The following CCL14 variants were observed in gnomAD, a reference collection of about 807,000 sequenced individuals.
CCL14 encodes the protein C-C motif chemokine 14.
Under a neutral mutation model 8.2 loss-of-function variants are expected in CCL14, and 8 were observed. That is an observed-to-expected ratio of 0.98 (90% CI 0.57 to 1.76). CCL14 has a LOEUF of 1.76. CCL14 is among the 40% of genes most tolerant of loss of function. The probability of loss-of-function intolerance (pLI) is 0.00; values close to 1 mark genes in which losing one functional copy is unlikely to be tolerated. For synonymous variants in CCL14, 50 were observed against 43.2 expected (o/e 1.16, Z -0.62); for missense variants, 127 against 118.3 (o/e 1.07, Z -0.34).
In CCL14 at chr17:35,983,814, A is replaced by C; in HGVS notation, c.269T>G (p.Met90Arg). 1 of 1,613,160 alleles carries C rather than the reference A, an allele frequency of 6.2e-7. No homozygotes were observed. The change falls in exon 3 of 3, where the codon ATG (methionine) becomes AGG (arginine). Residue 90 changes from methionine (M) to arginine (R), a missense_variant. Physicochemically the swap from Met to Arg is moderately conservative, Grantham distance 91. Coordinates refer to ENST00000618404, the MANE Select transcript of CCL14 (RefSeq NM_032963.4). The stretch of plus-strand genomic sequence containing the variant: ...CTTCTGGGTCACTCAGTTCTCCTTC[A>C]TGTCCTTGATATAGTCCTGGACCCA... ...DKWVQDYIKD[M>R]KEN
chr17:35,985,968 G>A (rs763742507), intron 1 of CCL14: 4 of 594,718 alleles, frequency 6.7e-6, no homozygotes, highest in Non-Finnish European at 1.2e-5. Context: ...CACAGGTGAC[G>A]CTGGAAGCAG....
At chr17:35,986,540 G>C (rs762669764) in intron 1 of CCL14, 31 bp downstream of exon 1, 1 of 1,570,758 alleles carries the variant, frequency 6.4e-7, no homozygotes, top group Non-Finnish European at 8.8e-7. Flanking sequence ...GCAGGCTCTA[G>C]GTTGGAAGGA....
At chr17:35,985,658 G>A (rs1264750897) in intron 1 of CCL14, 5 of 1,159,250 alleles carry the variant, frequency 4.3e-6, no homozygotes, top group Non-Finnish European at 6.3e-6. Context: ...CCTGTTTCCT[G>A]AGACCCAGTC....
chr17:35,986,449 C>A, intron 1 of CCL14, 122 bp downstream of exon 1: 1 of 717,434 alleles, frequency 1.4e-6, no homozygotes, highest in Non-Finnish European at 2.5e-6. Flanking sequence ...CACACAATTT[C>A]AAGAAGATAC....
At chr17:35,983,981 AC>A in intron 2 of CCL14, 93 bp from the exon 3 acceptor site, 1 of 906,724 alleles carries the variant, frequency 1.1e-6, no homozygotes, top group South Asian at 1.3e-5. Context: ...TCCCCACCTG[AC>A]CTATACTGCT....
chr17:35,985,745 T>TA, intron 1 of CCL14: 1 of 1,541,976 alleles, frequency 6.5e-7, no homozygotes, highest in South Asian at 1.2e-5. Flanking sequence ...ACTGTGCACA[T>TA]ACCCACCAAC....
rs1473435152 is a variant in CCL14 at position 35,986,608 on chromosome 17, G to A, written c.42C>T (p.Ile14=). 1.2e-6 allele frequency: 2 copies of A among 1,613,946 alleles called. No individual in the cohort carries two copies. Among genetic ancestry groups the A allele is most frequent in the African/African-American group, 2.7e-5 (2 of 74,926 alleles). ...CAGTCTTGGTCCCTAGGGCGATGGTGATGAGGAGGAAGAAGGGAATGGCAG... is the reference window on the plus strand; with the variant it reads ...CAGTCTTGGTCCCTAGGGCGATGGTAATGAGGAGGAAGAAGGGAATGGCAG... The part of the protein sequence containing the change: ...SVAAIPFFLL[I]TIALGTKTES... The change falls in exon 1 of 3, where the codon ATC becomes ATT. Residue 14 remains isoleucine, a synonymous_variant. Transcript: ENST00000618404.
chr17:35,986,300 T>C, intron 1 of CCL14: 1 of 461,740 alleles, frequency 2.2e-6, no homozygotes, highest in Non-Finnish European at 3.8e-6. Flanking sequence ...CAAGTCTCAT[T>C]GGTCAAGGCT....
chr17:35,985,968 G>T (rs763742507), intron 1 of CCL14: 1 of 594,718 alleles, frequency 1.7e-6, no homozygotes, highest in Non-Finnish European at 2.9e-6. Context: ...CACAGGTGAC[G>T]CTGGAAGCAG....
Position 35,986,627 on chromosome 17 carries a change from A to T in CCL14, c.23T>A (p.Ile8Asn). 6.2e-7 allele frequency: 1 copy of T among 1,613,976 alleles called. No homozygotes were observed. Among genetic ancestry groups the T allele is most frequent in the Non-Finnish European group, 8.5e-7 (1 of 1,179,978 alleles). ...GATGGTGATGAGGAGGAAGAAGGGA[A>T]TGGCAGCCACGGAGATCTTCATGCT... MKISVAA[I>N]PFFLLITIAL... is the part of the protein sequence containing the mutation. Residue 8 changes from isoleucine to asparagine, a missense_variant, in exon 1 of 3, where the codon ATT becomes AAT. Ile to Asn is a moderately radical substitution (Grantham distance 149, BLOSUM62 -3). Coordinates refer to ENST00000618404, the MANE Select transcript of CCL14 (RefSeq NM_032963.4).
chr17:35,983,611 G>A lies in CCL14; in HGVS notation c.*190C>T. 3.4e-6 allele frequency: 2 copies of A among 588,400 alleles called. No homozygotes were observed. The highest frequency in any genetic ancestry group is 2.8e-5 in the Admixed American group (1 of 35,310). 36.4% of individuals were successfully genotyped at this position (588,400 alleles called of 1,614,324 possible). On this transcript the variant is annotated 3_prime_UTR_variant, in exon 3 of 3. Coordinates refer to ENST00000618404, the MANE Select transcript of CCL14 (RefSeq NM_032963.4). The stretch of plus-strand genomic sequence containing the variant: ...AGGGTGCCACACCCTGGTGTCCTCA[G>A]TGCATGGCCAATGAGTAAATCCCGT...
chr17:35,985,503 C>CATTAAAAAA, intron 1 of CCL14: 4 of 554,738 alleles, frequency 7.2e-6, no homozygotes, highest in South Asian at 5.1e-5. Context: ...TTATGTGACC[C>CATTAAAAAA]TGCTTCATAG....
chr17:35,985,972 GAAGCAGGCTGGGCCCA>G (rs1266757362), intron 1 of CCL14: 6 of 591,366 alleles, frequency 1.0e-5, no homozygotes, highest in Non-Finnish European at 1.8e-5. Flanking sequence ...GGTGACGCTG[GAAGCAGGCTGGGCCCA>G]AACCTCAGGA....
In CCL14 at chr17:35,985,717, TC is replaced by T. The variant is rs1196473677; in HGVS notation, c.79+853del. 3.9e-6 allele frequency: 6 copies of T among 1,541,404 alleles called. No homozygotes were observed. The South Asian group carries it at 7.2e-5, about 18-fold the overall frequency. ...TGTTCCTCTGAGCTGACAAATGACA[TC>T]GGAGAGGGCAAGTCAAACTGTGCAC... On this transcript the variant is annotated intron_variant, in intron 1 of 2. Coordinates refer to ENST00000618404, the MANE Select transcript of CCL14 (RefSeq NM_032963.4).
chr17:35,984,435 AG>A lies in CCL14; in HGVS notation c.96del (p.Ser33GlnfsTer58). ...TESSSRGPYHPSECCFTYTTY... is the reference protein window; with the variant it reads ...TESSSRGPYHXSECCFTYTTY... ...GTAGTGTAGGTGAAGCAGCACTCTG[AG>A]GGGTGGTAAGGTCCCCCTGAGGAGA... On this transcript the variant is annotated frameshift_variant, in exon 2 of 3. Coordinates refer to ENST00000618404, the MANE Select transcript of CCL14 (RefSeq NM_032963.4). LOFTEE classifies it high-confidence loss of function. 2 of 1,612,100 alleles carry A rather than the reference AG, an allele frequency of 1.2e-6. No homozygotes were observed. Among genetic ancestry groups the A allele is most frequent in the South Asian group, 2.2e-5 (2 of 91,002 alleles).
chr17:35,985,841 G>A (rs2089758934), intron 1 of CCL14: 1 of 1,466,344 alleles, frequency 6.8e-7, no homozygotes, highest in Non-Finnish European at 9.3e-7. Context: ...AATAGTTTTG[G>A]TTATCTCTAA....
Position 35,984,464 on chromosome 17 carries a change from G to T in CCL14, c.80-12C>A. 6.3e-7 allele frequency: 1 copy of T among 1,583,692 alleles called. No individual in the cohort carries two copies. The highest frequency in any genetic ancestry group is 8.7e-7 in the Non-Finnish European group (1 of 1,153,412). On this transcript the variant is annotated splice_polypyrimidine_tract_variant and intron_variant, in intron 1 of 2. Transcript: ENST00000618404. The stretch of plus-strand genomic sequence containing the variant: ...GTGGTAAGGTCCCCCTGAGGAGAGA[G>T]CATCAGATGCTGAGGAGGGGCCCCT...
intron 2 of CCL14, 137 bp downstream of exon 2, chr17:35,984,201 C>T (rs777794531): frequency 2.6e-5 from 18 of 680,530 alleles, no homozygotes; most frequent in Non-Finnish European, 3.9e-5. Context: ...CTCAGATTGC[C>T]CCTCAGCTGC....
In CCL14 at chr17:35,983,826, T is replaced by C. The variant is rs766861038; in HGVS notation, c.257A>G (p.Tyr86Cys). Residue 86 changes from tyrosine to cysteine, a missense_variant, in exon 3 of 3, where the codon TAT becomes TGT. Transcript: ENST00000618404. ...TCAGTTCTCCTTCATGTCCTTGATA[T>C]AGTCCTGGACCCACTTGTCACTGGG... is the stretch of plus-strand genomic sequence containing the variant. ...TNPSDKWVQD[Y>C]IKDMKEN 6.2e-7 allele frequency: 1 copy of C among 1,613,870 alleles called. No homozygotes were observed. The highest frequency in any genetic ancestry group is 8.5e-7 in the Non-Finnish European group (1 of 1,179,742).
Sources: gnomAD v4.1 joint callset for allele counts on GRCh38, gnomAD v4.1.1 for gene constraint, MANE v1.5 for transcripts, NCBI Gene and HGNC (gene_info 2026-07-23, HGNC 2026-07-21) for gene names.